CNTN4: variants seen among roughly 807,000 people sequenced by gnomAD.
CNTN4 encodes contactin 4, also known as contactin-4.
In CNTN4, 77 loss-of-function variants were observed where a neutral mutation model predicts 122.5. The ratio of observed to expected loss-of-function variants is 0.63; its 90% CI spans 0.52 to 0.76. CNTN4 has a LOEUF of 0.76. CNTN4 is among the 30% of genes least tolerant of loss of function. The pLI is 0.00. For missense variants in CNTN4, 1,256 were observed against 1,259.1 expected (o/e 1.00, Z 0.04); for synonymous variants, 512 against 447.0 (o/e 1.15, Z -1.83).
intron 4 of CNTN4, among the ~76,000 whole-genome samples, chr3:2,634,685 A>ATAT (rs1176678424): frequency 4.5e-5 from 6 of 134,426 alleles, no homozygotes; most frequent in African/African-American, 1.2e-4. Flanking sequence ...AGAAAAAAAA[A>ATAT]AAATATATAT....
At position 2,179,517 on chromosome 3, in the gene CNTN4, A is replaced by G. The variant is rs202227482; in HGVS notation, c.-145+78878A>G. Among the ~76,000 whole-genome samples the G allele has an allele frequency of 7.9e-5, 12 of 152,146 alleles. No homozygotes were observed. In the East Asian group the frequency reaches 2.3e-3, roughly 29 times the overall value. On this transcript the variant is annotated intron_variant, in intron 2 of 24. Coordinates refer to ENST00000418658, the MANE Select transcript of CNTN4 (RefSeq NM_175607.3). Reference sequence around the variant, plus strand: ...TAGCTATAACAAAAAATATTACCCTATTAAGAGTGTACACTATGAATGTCA... The same window carrying G: ...TAGCTATAACAAAAAATATTACCCTGTTAAGAGTGTACACTATGAATGTCA...
At chr3:2,232,270 C>A (rs2039515445) in intron 2 of CNTN4, among the ~76,000 whole-genome samples, 1 of 151,906 alleles carries the variant, frequency 6.6e-6, no homozygotes, top group African/African-American at 2.4e-5. Context: ...TAATTGATTC[C>A]AATTTTACAG....
intron 13 of CNTN4, among the ~76,000 whole-genome samples, chr3:2,979,129 G>A (rs184775841): frequency 3.9e-5 from 6 of 152,276 alleles, no homozygotes; most frequent in African/African-American, 9.6e-5. Context: ...TTGTGGACAG[G>A]ACTAGGCTGC....
chr3:2,469,701 T>C (rs1164976194), intron 3 of CNTN4, among the ~76,000 whole-genome samples: 1 of 152,212 alleles, frequency 6.6e-6, no homozygotes, highest in Non-Finnish European at 1.5e-5. Flanking sequence ...GTACATTGTG[T>C]CAGTACAAAA....
intron 6 of CNTN4, among the ~76,000 whole-genome samples, chr3:2,808,823 T>C (rs2092535177): frequency 6.6e-6 from 1 of 152,264 alleles, no homozygotes; most frequent in Non-Finnish European, 1.5e-5. Flanking sequence ...ACACCTTTTC[T>C]TGAAGTTATT....
chr3:2,426,509 T>C (rs1344185715), intron 3 of CNTN4, among the ~76,000 whole-genome samples: 2 of 152,030 alleles, frequency 1.3e-5, no homozygotes, highest in African/African-American at 2.4e-5. Context: ...ATGTTTATCA[T>C]GGATATTGGT....
chr3:2,187,866 G>C (rs144069356), intron 2 of CNTN4, among the ~76,000 whole-genome samples: 83 of 152,234 alleles, frequency 5.5e-4, no homozygotes, highest in African/African-American at 2.0e-3. Context: ...AGTAGGGAAA[G>C]GTGGCATGGT....
At chr3:2,753,152 G>C (rs957477984) in intron 6 of CNTN4, among the ~76,000 whole-genome samples, 2 of 152,060 alleles carry the variant, frequency 1.3e-5, no homozygotes, top group African/African-American at 4.8e-5. Flanking sequence ...TGGAATTGCT[G>C]GATCACATGA....
chr3:2,599,418 A>G (rs2080924760), intron 4 of CNTN4, among the ~76,000 whole-genome samples: 1 of 152,186 alleles, frequency 6.6e-6, no homozygotes, highest in Non-Finnish European at 1.5e-5. Context: ...TTTATTTTTC[A>G]CAGGGCCTAA....
chr3:2,343,151 G>T (rs752277580), intron 3 of CNTN4, among the ~76,000 whole-genome samples: 11 of 152,180 alleles, frequency 7.2e-5, no homozygotes, highest in Non-Finnish European at 1.2e-4. Flanking sequence ...TGAGGCAGGA[G>T]AATAGGGTCT....
chr3:2,540,999 C>G (rs182951595), intron 3 of CNTN4, among the ~76,000 whole-genome samples: 1 of 151,992 alleles, frequency 6.6e-6, no homozygotes, highest in African/African-American at 2.4e-5. Flanking sequence ...TATGAGTAAA[C>G]GGAGGGTTAT....
At chr3:2,369,455 A>T (rs2045544564) in intron 3 of CNTN4, among the ~76,000 whole-genome samples, 1 of 152,226 alleles carries the variant, frequency 6.6e-6, no homozygotes, top group Non-Finnish European at 1.5e-5. Flanking sequence ...ACAGATATTG[A>T]TATGAAGAGC....
Position 2,171,151 on chromosome 3 carries a change from T to C in CNTN4, c.-145+70512T>C, listed in dbSNP as rs2036486766. ...AAAGTCATATATAAACAAATGTTTA[T>C]TGCAGTATTTTTTATTACATCCAAA... On this transcript the variant is annotated intron_variant, in intron 2 of 24. Coordinates refer to ENST00000418658, the MANE Select transcript of CNTN4 (RefSeq NM_175607.3). 2.0e-5 allele frequency among the ~76,000 whole-genome samples: 3 copies of C among 152,214 alleles called. No individual in the cohort carries two copies. In the South Asian group the frequency reaches 6.2e-4, roughly 31 times the overall value.
chr3:3,029,585 C>A (rs529034833), intron 15 of CNTN4, among the ~76,000 whole-genome samples: 1 of 152,138 alleles, frequency 6.6e-6, no homozygotes, highest in Admixed American at 6.5e-5. Flanking sequence ...TGTACTGAAA[C>A]GATGGAGATA....
rs73114690 is a variant in CNTN4 at position 2,932,522 on chromosome 3, T to C, written c.1358+6743T>C. 8.4e-3 allele frequency among the ~76,000 whole-genome samples: 1,274 copies of C among 152,298 alleles called. 24 individuals carry two copies. The highest frequency in any genetic ancestry group is 0.029 in the African/African-American group (1,194 of 41,566). ...TCTGGAGGCTCTAGGGGAGAATCTG[T>C]TTCCAGCTTCTACAGGTCACCTCCA... On this transcript the variant is annotated intron_variant, in intron 13 of 24. Transcript: ENST00000418658.
At chr3:2,968,297 A>G (rs976744215) in intron 13 of CNTN4, among the ~76,000 whole-genome samples, 2 of 152,156 alleles carry the variant, frequency 1.3e-5, no homozygotes, top group Admixed American at 6.5e-5. Flanking sequence ...CTTTGGATGT[A>G]TGCCTAAACA....
chr3:2,862,757 A>AT (rs145625213), intron 7 of CNTN4, among the ~76,000 whole-genome samples: 21,770 of 152,026 alleles, frequency 0.14, 1,522 homozygotes, highest in Middle Eastern at 0.25. Flanking sequence ...AGAAAAGTTT[A>AT]TTTTGTTTTA....
chr3:2,927,515 T>C, intron 13 of CNTN4: 1 of 294,154 alleles, frequency 3.4e-6, no homozygotes, highest in Non-Finnish European at 6.7e-6. Flanking sequence ...ATAATCTTGC[T>C]ATGTGCCTGG....
chr3:2,699,421 A>G (rs2086232981), intron 4 of CNTN4, among the ~76,000 whole-genome samples: 1 of 152,228 alleles, frequency 6.6e-6, no homozygotes, highest in Admixed American at 6.5e-5. Flanking sequence ...GTGCAACTTC[A>G]TGAAAAAAAT....
Sources: gnomAD v4.1 joint callset for allele counts (sites outside exome capture counted in the v4.1 genomes callset) on GRCh38, gnomAD v4.1.1 for gene constraint, MANE v1.5 for transcripts, NCBI Gene and HGNC (gene_info 2026-07-23, HGNC 2026-07-21) for gene names.